Variants in SIL1 observed in about 807,000 individuals in gnomAD.
SIL1 encodes the protein SIL1 nucleotide exchange factor, also known as nucleotide exchange factor SIL1.
SIL1 carries 40 observed loss-of-function variants against 49.1 expected under a neutral mutation model. That is an observed-to-expected ratio of 0.81 (90% CI 0.63 to 1.06). The LOEUF is 1.06. SIL1 is among the 50% of genes least tolerant of loss of function. The pLI is 0.00. For missense variants in SIL1, 500 were observed against 572.6 expected (o/e 0.87, Z 1.29); for synonymous variants, 253 against 250.8 (o/e 1.01, Z -0.08).
chr5:139,182,378 C>T (rs1338232413), intron 1 of SIL1, among the ~76,000 whole-genome samples: 2 of 152,200 alleles, frequency 1.3e-5, no homozygotes, highest in Non-Finnish European at 2.9e-5. Context: ...CCACATCTGT[C>T]TCATTCATCA....
At chr5:139,127,467 A>G (rs1001251344) in intron 2 of SIL1, among the ~76,000 whole-genome samples, 2 of 152,054 alleles carry the variant, frequency 1.3e-5, no homozygotes, top group Non-Finnish European at 2.9e-5. Flanking sequence ...CACTCACTAC[A>G]AGGTTTGGTA....
chr5:139,043,874 G>T (rs551130914), intron 4 of SIL1, among the ~76,000 whole-genome samples: 1 of 152,328 alleles, frequency 6.6e-6, no homozygotes, highest in Non-Finnish European at 1.5e-5. Context: ...TCAGGTTGGT[G>T]TTGGGTTCAG....
At chr5:139,061,547 C>CT (rs1191454233) in intron 3 of SIL1, among the ~76,000 whole-genome samples, 1 of 152,200 alleles carries the variant, frequency 6.6e-6, no homozygotes, top group African/African-American at 2.4e-5. Context: ...AGCCAAATTC[C>CT]TTTATGTTTC....
intron 3 of SIL1, among the ~76,000 whole-genome samples, chr5:139,099,991 T>C (rs576700626): frequency 1.3e-5 from 2 of 152,330 alleles, no homozygotes; most frequent in Admixed American, 6.5e-5. Context: ...CCATTCTCCA[T>C]AATGTGATTA....
chr5:139,189,322 T>C (rs1364285602), intron 1 of SIL1, among the ~76,000 whole-genome samples: 2 of 152,174 alleles, frequency 1.3e-5, no homozygotes, highest in Non-Finnish European at 2.9e-5. Context: ...GTGGCAGCAT[T>C]AGATTCTCAT....
intron 3 of SIL1, among the ~76,000 whole-genome samples, chr5:139,054,270 G>A (rs1769356063): frequency 6.6e-6 from 1 of 152,118 alleles, no homozygotes; most frequent in Non-Finnish European, 1.5e-5. Context: ...AATTAGCCAG[G>A]CACAATGGCA....
chr5:138,966,825 GC>G (rs1767154679), intron 7 of SIL1, among the ~76,000 whole-genome samples: 2 of 152,176 alleles, frequency 1.3e-5, no homozygotes, highest in South Asian at 4.1e-4. Context: ...AGGTCACATA[GC>G]TAATAAGTAG....
chr5:138,947,347 G>A lies in SIL1; in HGVS notation c.1156C>T (p.Leu386=), dbSNP rs754574746. Residue 386 remains leucine (L), a synonymous_variant, in exon 10 of 10, where the codon CTG becomes TTG. Transcript: ENST00000394817. The surrounding 1 kb of genome is among the most constrained non-coding windows in gnomAD (Gnocchi z 4.1). ...QGWCEITAHL[L]ALPEHDAREK... The stretch of plus-strand genomic sequence containing the variant: ...CGGGCATCATGCTCGGGCAGCGCCA[G>A]GAGGTGGGCCGTGATCTCGCACCAG... The A allele has an allele frequency of 3.7e-6, 6 of 1,613,674 alleles. No homozygotes were observed. In the Admixed American group the frequency reaches 6.7e-5, roughly 18 times the overall value.
chr5:139,141,311 G>A (rs150796032), intron 1 of SIL1, among the ~76,000 whole-genome samples: 1 of 152,006 alleles, frequency 6.6e-6, no homozygotes, highest in Admixed American at 6.6e-5. Flanking sequence ...AAATAACACT[G>A]CCATTAAAAT....
chr5:139,147,634 T>A (rs1019345999), intron 1 of SIL1, among the ~76,000 whole-genome samples: 1 of 152,186 alleles, frequency 6.6e-6, no homozygotes, highest in African/African-American at 2.4e-5. Flanking sequence ...GTGTTCTCTC[T>A]TCCCCTCCTC....
chr5:138,981,614 T>A (rs528269626), intron 7 of SIL1, among the ~76,000 whole-genome samples: 1 of 152,326 alleles, frequency 6.6e-6, no homozygotes, highest in South Asian at 2.1e-4. Flanking sequence ...TAGATCTGAC[T>A]GATGGCACAT....
At chr5:139,086,204 T>G in intron 3 of SIL1, among the ~76,000 whole-genome samples, 1 of 142,400 alleles carries the variant, frequency 7.0e-6, no homozygotes, top group Non-Finnish European at 1.5e-5. Context: ...ATCTGGGAGG[T>G]CAAGGCTGCA....
intron 3 of SIL1, among the ~76,000 whole-genome samples, chr5:139,075,912 G>T (rs889847989): frequency 2.6e-5 from 4 of 152,162 alleles, no homozygotes; most frequent in African/African-American, 7.2e-5. Flanking sequence ...AGGCACAGTA[G>T]GGCATGGAAA....
chr5:139,167,505 ACTG>A (rs1430052687), intron 1 of SIL1, among the ~76,000 whole-genome samples: 1 of 152,174 alleles, frequency 6.6e-6, no homozygotes, highest in Non-Finnish European at 1.5e-5. Flanking sequence ...AAAATTAAAA[ACTG>A]CTAATAGAAA....
rs370228920 is a variant in SIL1 at position 138,970,769 on chromosome 5, A to G, written c.768-18885T>C. 9.2e-5 allele frequency among the ~76,000 whole-genome samples: 14 copies of G among 152,200 alleles called. No individual in the cohort carries two copies. The East Asian group carries it at 2.3e-3, about 25-fold the overall frequency. On this transcript the variant is annotated intron_variant, in intron 7 of 9. Transcript: ENST00000394817. ...ATACAAAAATTAGCTGGGTGTGGCG[A>G]TGCGCACCTGTAGTCCCAGCTACTA...
chr5:139,182,137 C>T (rs752891952), intron 1 of SIL1, among the ~76,000 whole-genome samples: 18 of 152,048 alleles, frequency 1.2e-4, no homozygotes, highest in Non-Finnish European at 2.1e-4. Flanking sequence ...AGTAGTAGCC[C>T]GGGGGGCTTT....
Position 138,964,053 on chromosome 5 carries a change from C to T in SIL1, c.768-12169G>A, listed in dbSNP as rs148639274. Reference sequence around the variant, plus strand: ...GGCCCTTTGACCTGACTCACCAGACCGGAATGGGAACCTAAAGGAAAGTGG... The same window carrying T: ...GGCCCTTTGACCTGACTCACCAGACTGGAATGGGAACCTAAAGGAAAGTGG... On this transcript the variant is annotated intron_variant, in intron 7 of 9. Coordinates refer to ENST00000394817, the MANE Select transcript of SIL1 (RefSeq NM_022464.5). Among the ~76,000 whole-genome samples, 13 of 152,328 alleles carry T rather than the reference C, an allele frequency of 8.5e-5. No individual in the cohort carries two copies. The East Asian group carries it at 2.5e-3, about 29-fold the overall frequency.
At chr5:139,012,524 A>G (rs1023608865) in intron 7 of SIL1, 1 of 152,252 alleles carries the variant, frequency 6.6e-6, no homozygotes, top group African/African-American at 2.4e-5. Flanking sequence ...GCTCTTTTTT[A>G]CAAAAACAAA....
chr5:139,122,085 G>A (rs1174002293), intron 2 of SIL1, among the ~76,000 whole-genome samples: 1 of 152,004 alleles, frequency 6.6e-6, no homozygotes, highest in Non-Finnish European at 1.5e-5. Context: ...ACATGGGGAG[G>A]TATTTCAGCC....
Sources: gnomAD v4.1 joint callset for allele counts (sites outside exome capture counted in the v4.1 genomes callset) on GRCh38, gnomAD v4.1.1 for gene constraint, Gnocchi (gnomAD v3.1) non-coding constraint, MANE v1.5 for transcripts, NCBI Gene and HGNC (gene_info 2026-07-23, HGNC 2026-07-21) for gene names.